IL2: variants seen among roughly 807,000 people sequenced by gnomAD.
IL2 encodes the protein interleukin 2.
IL2 carries 3 observed loss-of-function variants against 14.6 expected under a neutral mutation model. The ratio of observed to expected loss-of-function variants is 0.21; its 90% CI spans 0.09 to 0.53. The LOEUF is 0.53. IL2 is among the 20% of genes least tolerant of loss of function. The pLI is 0.95. For synonymous variants in IL2, 71 were observed against 60.0 expected (o/e 1.18, Z -0.85); for missense variants, 125 against 170.8 (o/e 0.73, Z 1.50).
At chr4:122,454,046 C>T (rs981248789) in intron 2 of IL2, among the ~76,000 whole-genome samples, 193 bp from the exon 3 acceptor site, 1 of 151,792 alleles carries the variant, frequency 6.6e-6, no homozygotes, top group Non-Finnish European at 1.5e-5. Context: ...CTATGACTAG[C>T]GTTAAGTGAT....
chr4:122,453,945 GT>G (rs1193228454), intron 2 of IL2, 92 bp from the exon 3 acceptor site: 1 of 1,097,268 alleles, frequency 9.1e-7, no homozygotes, highest in East Asian at 2.4e-5. Context: ...GCAGTATGTA[GT>G]TTTTACCATT....
At chr4:122,452,043 C>A (rs1797681665) in intron 3 of IL2, among the ~76,000 whole-genome samples, 181 bp from the exon 4 acceptor site, 1 of 151,874 alleles carries the variant, frequency 6.6e-6, no homozygotes, top group Non-Finnish European at 1.5e-5. Flanking sequence ...TGTTATGATA[C>A]CAAATGATAG....
intron 3 of IL2, among the ~76,000 whole-genome samples, chr4:122,452,766 AT>A (rs1371306136): frequency 6.6e-6 from 1 of 151,786 alleles, no homozygotes; most frequent in African/African-American, 2.4e-5. Flanking sequence ...ATATCTTGGG[AT>A]TTTTTTATTT....
chr4:122,456,158 A>G lies in IL2; in HGVS notation c.193T>C (p.Tyr65His), dbSNP rs767776092. 1 of 1,605,172 alleles carries G rather than the reference A, an allele frequency of 6.2e-7. No homozygotes were observed. The highest frequency in any genetic ancestry group is 1.1e-5 in the South Asian group (1 of 90,840). ...ATTGTACTTACCTTCTTGGGCATGT[A>G]AAACTTAAATGTGAGCATCCTGGTG... Reference protein sequence around the residue: ...KLTRMLTFKFYMPKKATELKH... With the variant: ...KLTRMLTFKFHMPKKATELKH... The change falls in exon 2 of 4, where the codon TAC becomes CAC. Residue 65 changes from tyrosine (Y) to histidine (H), a missense_variant. Physicochemically the swap from Tyr to His is moderately conservative, Grantham distance 83. Coordinates refer to ENST00000226730, the MANE Select transcript of IL2 (RefSeq NM_000586.4).
In IL2 at chr4:122,454,428, A is replaced by T. The variant is rs530640558; in HGVS notation, c.208-575T>A. ...CAATCACTACATTAAGATGCATTTT[A>T]AAAATGTTTGTCCCAGTGAAATAAA... On this transcript the variant is annotated intron_variant, in intron 2 of 3. Coordinates refer to ENST00000226730, the MANE Select transcript of IL2 (RefSeq NM_000586.4). Among the ~76,000 whole-genome samples the T allele has an allele frequency of 2.6e-5, 4 of 151,988 alleles. No homozygotes were observed. In the East Asian group the frequency reaches 5.8e-4, roughly 22 times the overall value.
chr4:122,455,342 T>C (rs1320880669), intron 2 of IL2, among the ~76,000 whole-genome samples: 5 of 151,870 alleles, frequency 3.3e-5, no homozygotes, highest in Admixed American at 2.0e-4. Context: ...ATGCTTATGC[T>C]CTATCTGAAT....
At chr4:122,456,101 A>T (rs1797727531) in intron 2 of IL2, 43 bp downstream of exon 2, 1 of 1,403,962 alleles carries the variant, frequency 7.1e-7, no homozygotes. Context: ...TATTACTTTG[A>T]ATTTTATTAA....
chr4:122,456,021 C>T, intron 2 of IL2, 123 bp downstream of exon 2: 1 of 606,832 alleles, frequency 1.6e-6, no homozygotes, highest in Non-Finnish European at 2.8e-6. Context: ...CTTGGGTTTT[C>T]AAAAAAACAA....
chr4:122,454,732 A>C (rs975323484), intron 2 of IL2, among the ~76,000 whole-genome samples: 2 of 151,830 alleles, frequency 1.3e-5, no homozygotes, highest in Non-Finnish European at 2.9e-5. Flanking sequence ...CTTGGAATCA[A>C]ATATTTTTAT....
Position 122,456,468 on chromosome 4 carries a change from T to C in IL2, c.-28A>G. 1 of 1,582,672 alleles carries C rather than the reference T, an allele frequency of 6.3e-7. No homozygotes were observed. The highest frequency in any genetic ancestry group is 8.6e-7 in the Non-Finnish European group (1 of 1,159,558). On this transcript the variant is annotated 5_prime_UTR_variant, in exon 1 of 4. Transcript: ENST00000226730. ...TGGCAGGAGTTGAGGTTACTGTGAG[T>C]AGTGATTAAAGAGAGTGATAGGGAA...
intron 2 of IL2, 108 bp from the exon 3 acceptor site, chr4:122,453,961 C>G (rs1797703493): frequency 2.1e-6 from 2 of 972,310 alleles, no homozygotes; most frequent in African/African-American, 1.7e-5. Context: ...ACCATTCTCT[C>G]TGTTCTCAAT....
chr4:122,451,615 G>C lies in IL2; in HGVS notation c.*137C>G. 2.6e-6 allele frequency: 1 copy of C among 387,832 alleles called. No individual in the cohort carries two copies. Among genetic ancestry groups the C allele is most frequent in the Non-Finnish European group, 4.7e-6 (1 of 214,234 alleles). 24.0% of individuals were successfully genotyped at this position (387,832 alleles called of 1,614,324 possible). Reference sequence around the variant, plus strand: ...AGGGCTTACAAAAAGAATCATAAAAGATCCATATTTATAGTTTTAAGATTA... The same window carrying C: ...AGGGCTTACAAAAAGAATCATAAAACATCCATATTTATAGTTTTAAGATTA... On this transcript the variant is annotated 3_prime_UTR_variant, in exon 4 of 4. Coordinates refer to ENST00000226730, the MANE Select transcript of IL2 (RefSeq NM_000586.4).
chr4:122,454,997 A>G (rs11575808), intron 2 of IL2, among the ~76,000 whole-genome samples: 5 of 151,932 alleles, frequency 3.3e-5, no homozygotes, highest in South Asian at 2.1e-4. Flanking sequence ...AGTTTTTGGC[A>G]TGAACAATGT....
intron 3 of IL2, among the ~76,000 whole-genome samples, chr4:122,452,177 G>T (rs997290275): frequency 1.3e-5 from 2 of 152,036 alleles, no homozygotes; most frequent in African/African-American, 4.8e-5. Context: ...TTAAATGCTG[G>T]ATGTGAAATA....
In IL2 at chr4:122,453,784, C is replaced by T; in HGVS notation, c.277G>A (p.Ala93Thr). 1 of 1,611,344 alleles carries T rather than the reference C, an allele frequency of 6.2e-7. No homozygotes were observed. Among genetic ancestry groups the T allele is most frequent in the Non-Finnish European group, 8.5e-7 (1 of 1,178,336 alleles). ...CTTAAGTGAAAGTTTTTGCTTTGAG[C>T]TAAATTTAGCACTTCCTCCAGAGGT... ...LKPLEEVLNL[A>T]QSKNFHLRPR... is the part of the protein sequence containing the mutation. Residue 93 changes from alanine (A) to threonine (T), a missense_variant, in exon 3 of 4, where the codon GCT becomes ACT. Transcript: ENST00000226730.
At chr4:122,455,626 CACAA>C (rs1341419207) in intron 2 of IL2, among the ~76,000 whole-genome samples, 1 of 151,784 alleles carries the variant, frequency 6.6e-6, no homozygotes, top group African/African-American at 2.4e-5. Context: ...GAAACTGAAT[CACAA>C]ACAGAGTAGG....
intron 2 of IL2, 99 bp from the exon 3 acceptor site, chr4:122,453,952 C>T: frequency 5.7e-6 from 6 of 1,057,424 alleles, no homozygotes; most frequent in Non-Finnish European, 8.1e-6. Flanking sequence ...GTAGTTTTTA[C>T]CATTCTCTCT....
intron 3 of IL2, among the ~76,000 whole-genome samples, chr4:122,453,217 T>C (rs1444760766): frequency 6.6e-6 from 1 of 151,806 alleles, no homozygotes; most frequent in Non-Finnish European, 1.5e-5. Context: ...CTAAAAAGAT[T>C]GTTGTTTGTT....
chr4:122,451,931 G>A, intron 3 of IL2, 69 bp from the exon 4 acceptor site: 1 of 623,554 alleles, frequency 1.6e-6, no homozygotes, highest in South Asian at 3.7e-5. Context: ...ATTCCCAATT[G>A]AAGTCTTATA....
Sources: allele counts gnomAD v4.1 joint callset (sites outside exome capture counted in the v4.1 genomes callset), GRCh38; gene constraint gnomAD v4.1.1; transcripts MANE v1.5; gene names NCBI Gene and HGNC (gene_info 2026-07-23, HGNC 2026-07-21).